Variants in ATP1B3 observed in about 807,000 individuals in gnomAD.
The protein encoded by ATP1B3 is sodium/potassium-transporting ATPase subunit beta-3.
ATP1B3 carries 10 observed loss-of-function variants against 30.2 expected under a neutral mutation model. That is an observed-to-expected ratio of 0.33 (90% CI 0.20 to 0.56). The LOEUF is 0.56. Among genes scored for constraint, ATP1B3 ranks in the 20% least tolerant of loss-of-function variants. The probability of loss-of-function intolerance (pLI) is 0.90; values close to 1 mark genes in which losing one functional copy is unlikely to be tolerated. For synonymous variants in ATP1B3, 113 were observed against 117.0 expected, an observed-to-expected ratio of 0.97 and a Z score of 0.22; for missense variants, 238 against 336.7, an observed-to-expected ratio of 0.71 and a Z score of 2.29.
chr3:141,896,847 G>C (rs1193626239), intron 1 of ATP1B3, among the ~76,000 whole-genome samples: 1 of 152,096 alleles, frequency 6.6e-6, no homozygotes, highest in Non-Finnish European at 1.5e-5. Flanking sequence ...TCTTTGTTGA[G>C]TTTGGTACTT....
At chr3:141,900,578 G>C (rs1276785534) in intron 1 of ATP1B3, among the ~76,000 whole-genome samples, 1 of 152,136 alleles carries the variant, frequency 6.6e-6, no homozygotes, top group Non-Finnish European at 1.5e-5. Flanking sequence ...GTTACTAGTT[G>C]GTCAGAAGTG....
chr3:141,901,256 A>G (rs1434587308), intron 1 of ATP1B3, among the ~76,000 whole-genome samples: 2 of 152,234 alleles, frequency 1.3e-5, no homozygotes, highest in Admixed American at 6.5e-5. Flanking sequence ...AACACTATCC[A>G]TGACTAAGTC....
At chr3:141,889,762 C>T (rs200139701) in intron 1 of ATP1B3, among the ~76,000 whole-genome samples, 35,553 of 93,712 alleles carry the variant, frequency 0.38, 8,383 homozygotes, top group African/African-American at 0.64. Context: ...TATATACACA[C>T]ACACACACAC....
At chr3:141,889,748 A>ATATATATATATATAT (rs1211554880) in intron 1 of ATP1B3, among the ~76,000 whole-genome samples, 11 of 81,434 alleles carry the variant, frequency 1.4e-4, no homozygotes, top group African/African-American at 5.1e-4. Flanking sequence ...AAAAAAAAAA[A>ATATATATATATATAT]AAATATATAC....
chr3:141,884,334 C>T (rs184092973), intron 1 of ATP1B3, among the ~76,000 whole-genome samples: 16 of 152,254 alleles, frequency 1.1e-4, no homozygotes, highest in Admixed American at 1.0e-3. Context: ...TGCATGTTGG[C>T]AGTATCTGGC....
chr3:141,884,999 A>G lies in ATP1B3; in HGVS notation c.109+8089A>G, dbSNP rs1283933085. ...GCTTTCTGCATATCCCACAAATCTA[A>G]GAGTGTGAGGCTTAGATGTCTTAAC... On this transcript the variant is annotated intron_variant, in intron 1 of 6. Transcript: ENST00000286371. Among the ~76,000 whole-genome samples the G allele has an allele frequency of 2.0e-5, 3 of 152,134 alleles. No homozygotes were observed. The East Asian group carries it at 5.8e-4, about 29-fold the overall frequency.
At chr3:141,902,081 C>T (rs755227531) in intron 1 of ATP1B3, 58 of 1,234,308 alleles carry the variant, frequency 4.7e-5, no homozygotes, top group Middle Eastern at 2.2e-4. Flanking sequence ...TTTCATTTCC[C>T]TCTATAGCAA....
intron 3 of ATP1B3, among the ~76,000 whole-genome samples, chr3:141,911,428 A>C (rs1366036038): frequency 6.6e-6 from 1 of 151,654 alleles, no homozygotes; most frequent in Non-Finnish European, 1.5e-5. Flanking sequence ...TGGACTTAAA[A>C]AGTTTTATTT....
rs72396246 is a variant in ATP1B3 at position 141,891,891 on chromosome 3, C to CT, written c.110-11717dup. 2.5e-3 allele frequency among the ~76,000 whole-genome samples: 297 copies of CT among 117,854 alleles called. 1 individual carries two copies. The highest frequency in any genetic ancestry group is 9.4e-3 in the Middle Eastern group (2 of 212). 77.3% of individuals were successfully genotyped at this position (117,854 alleles called of 152,430 possible). On this transcript the variant is annotated intron_variant, in intron 1 of 6. Transcript: ENST00000286371. Reference sequence around the variant, plus strand: ...TTTGAGATGTTAGAGAATGTGGCCTCTTTTTTTTTTTTAATGTTTTTTAGT... The same window carrying CT: ...TTTGAGATGTTAGAGAATGTGGCCTCTTTTTTTTTTTTTAATGTTTTTTAGT...
At chr3:141,916,097 T>C in intron 5 of ATP1B3, 77 bp downstream of exon 5, 1 of 1,315,036 alleles carries the variant, frequency 7.6e-7, no homozygotes, top group South Asian at 1.4e-5. Flanking sequence ...GATTTAGTCA[T>C]CTTTTTTTTC....
At chr3:141,877,669 T>A (rs1933631668) in intron 1 of ATP1B3, 1 of 152,148 alleles carries the variant, frequency 6.6e-6, no homozygotes, top group Non-Finnish European at 1.5e-5. Flanking sequence ...TTTTTTTTTT[T>A]TTCCCGTGTC....
intron 1 of ATP1B3, among the ~76,000 whole-genome samples, chr3:141,901,260 C>G (rs1934159047): frequency 6.6e-6 from 1 of 152,218 alleles, no homozygotes; most frequent in African/African-American, 2.4e-5. Flanking sequence ...CTATCCATGA[C>G]TAAGTCAGGA....
intron 1 of ATP1B3, among the ~76,000 whole-genome samples, chr3:141,878,754 T>G (rs1324583298): frequency 6.6e-6 from 1 of 152,242 alleles, no homozygotes; most frequent in African/African-American, 2.4e-5. Flanking sequence ...TCGATAAGTA[T>G]TACTCTTATC....
chr3:141,916,633 T>C, intron 5 of ATP1B3: 1 of 1,096,934 alleles, frequency 9.1e-7, no homozygotes, highest in African/African-American at 1.6e-5. Context: ...ATATTAACAT[T>C]TCAACTCTGA....
Position 141,907,095 on chromosome 3 carries a change from G to A in ATP1B3, c.239-72G>A, listed in dbSNP as rs1041269488. On this transcript the variant is annotated intron_variant, in intron 2 of 6. Coordinates refer to ENST00000286371, the MANE Select transcript of ATP1B3 (RefSeq NM_001679.4). ...TTTTCCATGTAATTTGCTGAGATCT[G>A]CTTTTTAGAGATAAGAGGAAGGAAA... 14 of 1,192,868 alleles carry A rather than the reference G, an allele frequency of 1.2e-5. No homozygotes were observed. The African/African-American group carries it at 2.2e-4, about 18-fold the overall frequency. 73.9% of individuals were successfully genotyped at this position (1,192,868 alleles called of 1,614,324 possible).
intron 1 of ATP1B3, among the ~76,000 whole-genome samples, chr3:141,891,371 A>G (rs1017677317): frequency 3.3e-5 from 5 of 152,358 alleles, no homozygotes; most frequent in East Asian, 3.9e-4. Context: ...TAGTTTATGT[A>G]TAGAAAATAG....
At chr3:141,877,875 CTTTT>C in intron 1 of ATP1B3, among the ~76,000 whole-genome samples, 1 of 147,894 alleles carries the variant, frequency 6.8e-6, no homozygotes, top group Non-Finnish European at 1.5e-5. Flanking sequence ...CTAATTTTAC[CTTTT>C]TAAATCCTTT....
intron 1 of ATP1B3, chr3:141,902,231 AT>A (rs1449051033): frequency 2.3e-6 from 3 of 1,280,706 alleles, no homozygotes; most frequent in Admixed American, 2.3e-5. Context: ...CCACCTGGTA[AT>A]TGGGGGGGAG....
chr3:141,896,616 T>C (rs1171630335), intron 1 of ATP1B3, among the ~76,000 whole-genome samples: 1 of 152,212 alleles, frequency 6.6e-6, no homozygotes, highest in Non-Finnish European at 1.5e-5. Context: ...GCAAATATTT[T>C]TTCCCAGTCT....
Sources: gnomAD v4.1 joint callset for allele counts (sites outside exome capture counted in the v4.1 genomes callset) on GRCh38, gnomAD v4.1.1 for gene constraint, MANE v1.5 for transcripts, NCBI Gene and HGNC (gene_info 2026-07-23, HGNC 2026-07-21) for gene names.